FBXL13: variants seen among roughly 807,000 people sequenced by gnomAD.
FBXL13 encodes F-box and leucine-rich repeat protein 13.
In FBXL13, 67 loss-of-function variants were observed where a neutral mutation model predicts 83.6. The observed-to-expected ratio is 0.80, with a 90% CI of 0.66 to 0.98. The LOEUF (loss-of-function observed/expected upper bound fraction) is 0.98, where lower values mean the gene tolerates loss of function less well. Among genes scored for constraint, FBXL13 ranks in the 50% least tolerant of loss-of-function variants. The probability of loss-of-function intolerance (pLI) is 0.00; values close to 1 mark genes in which losing one functional copy is unlikely to be tolerated. For synonymous variants in FBXL13, 272 were observed against 299.5 expected (o/e 0.91, Z 0.95); for missense variants, 822 against 866.5 (o/e 0.95, Z 0.64).
intron 1 of FBXL13, among the ~76,000 whole-genome samples, chr7:103,060,856 C>G (rs566537302): frequency 5.5e-4 from 84 of 152,324 alleles, no homozygotes; most frequent in Non-Finnish European, 7.1e-4. Context: ...ATTTCCCTAT[C>G]CCCTACCCCA....
At position 102,995,167 on chromosome 7, in the gene FBXL13, G is replaced by A. The variant is rs904238058; in HGVS notation, c.496-27050C>T. ...TTTATTTCCCATGAGCATGGGGGAA[G>A]CTGGGGTGAGAGAAGGCATTAAAAG... On this transcript the variant is annotated intron_variant, in intron 6 of 19. Coordinates refer to ENST00000313221, the Ensembl canonical transcript of FBXL13. Among the ~76,000 whole-genome samples, 23 of 152,252 alleles carry A rather than the reference G, an allele frequency of 1.5e-4. No individual in the cohort carries two copies. The South Asian group carries it at 4.6e-3, about 30-fold the overall frequency.
intron 11 of FBXL13, among the ~76,000 whole-genome samples, chr7:102,894,730 TAAAAAAA>T (rs1213476355): frequency 7.4e-6 from 1 of 134,640 alleles, no homozygotes; most frequent in Admixed American, 7.5e-5. Flanking sequence ...CTTTGTCTCT[TAAAAAAA>T]AAAAAAAAGA....
intron 18 of FBXL13, among the ~76,000 whole-genome samples, chr7:102,826,754 TA>T (rs1320728049): frequency 8.8e-6 from 1 of 114,240 alleles, no homozygotes; most frequent in African/African-American, 3.4e-5. Context: ...TATATATATA[TA>T]TATATATATA....
intron 8 of FBXL13, among the ~76,000 whole-genome samples, chr7:102,954,259 T>C (rs1397346841): frequency 6.6e-6 from 1 of 152,196 alleles, no homozygotes; most frequent in Non-Finnish European, 1.5e-5. Context: ...AAGAAAATAA[T>C]TTTCAACCCA....
At position 102,983,048 on chromosome 7, in the gene FBXL13, C is replaced by G. The variant is rs1439599068; in HGVS notation, c.496-14931G>C. On this transcript the variant is annotated intron_variant, in intron 6 of 19. Coordinates refer to ENST00000313221, the Ensembl canonical transcript of FBXL13. ...AAGTAGTTTTTTTTGGAGTGTAGTG[C>G]ACTTTCTCATGGGTCACATTTTGTC... Among the ~76,000 whole-genome samples the G allele has an allele frequency of 4.6e-5, 7 of 152,120 alleles. No homozygotes were observed. In the East Asian group the frequency reaches 1.3e-3, roughly 29 times the overall value.
intron 17 of FBXL13, among the ~76,000 whole-genome samples, chr7:102,843,132 G>T (rs1803259585): frequency 6.6e-6 from 1 of 152,152 alleles, no homozygotes; most frequent in Admixed American, 6.5e-5. Context: ...AAGATTAAGG[G>T]AGAGAAGGAG....
chr7:103,038,015 G>A (rs1333184997), intron 2 of FBXL13, among the ~76,000 whole-genome samples: 1 of 152,160 alleles, frequency 6.6e-6, no homozygotes, highest in African/African-American at 2.4e-5. Flanking sequence ...CCCAGGAAGT[G>A]CAAGGGGTCA....
chr7:102,959,719 T>C lies in FBXL13; in HGVS notation c.724+3814A>G, dbSNP rs569652664. Among the ~76,000 whole-genome samples, 4 of 152,110 alleles carry C rather than the reference T, an allele frequency of 2.6e-5. No homozygotes were observed. In the East Asian group the frequency reaches 7.7e-4, roughly 29 times the overall value. On this transcript the variant is annotated intron_variant, in intron 8 of 19. Coordinates refer to ENST00000313221, the Ensembl canonical transcript of FBXL13. The stretch of plus-strand genomic sequence containing the variant: ...TAGAAAACGCATCTCAAAGGATATA[T>C]AGGTTAAAGGATATATAGGTTAAAG...
At chr7:102,941,183 G>A (rs968518923) in intron 8 of FBXL13, among the ~76,000 whole-genome samples, 5 of 152,142 alleles carry the variant, frequency 3.3e-5, no homozygotes, top group Admixed American at 1.3e-4. Flanking sequence ...GAACTGTGAA[G>A]TCAAAAGCAA....
intron 6 of FBXL13, among the ~76,000 whole-genome samples, chr7:103,007,017 G>T: frequency 6.6e-6 from 1 of 151,978 alleles, no homozygotes; most frequent in East Asian, 1.9e-4. Flanking sequence ...TGAAGAAATA[G>T]CAATAACCGC....
chr7:102,934,538 G>C (rs1563115280), intron 8 of FBXL13: 5 of 1,557,610 alleles, frequency 3.2e-6, no homozygotes, highest in Non-Finnish European at 4.3e-6. Flanking sequence ...GATAAAATCT[G>C]AACAGTTGTG....
chr7:102,849,309 G>A (rs1452770357), intron 17 of FBXL13, among the ~76,000 whole-genome samples: 1 of 152,194 alleles, frequency 6.6e-6, no homozygotes, highest in Non-Finnish European at 1.5e-5. Flanking sequence ...GTTGGAGAAA[G>A]TAATTAAAGC....
At chr7:102,939,697 A>G (rs1490041727) in intron 8 of FBXL13, 4 of 988,898 alleles carry the variant, frequency 4.0e-6, no homozygotes, top group East Asian at 2.5e-5. Flanking sequence ...ACTAAATAAT[A>G]AAGTACAAGT....
chr7:102,965,845 T>C (rs1030676307), intron 7 of FBXL13, among the ~76,000 whole-genome samples: 2 of 152,170 alleles, frequency 1.3e-5, no homozygotes, highest in African/African-American at 4.8e-5. Context: ...GTGGCAACAT[T>C]TTCCGTGTTG....
At chr7:102,826,217 G>GA (rs970728826) in intron 18 of FBXL13, among the ~76,000 whole-genome samples, 6 of 151,970 alleles carry the variant, frequency 3.9e-5, no homozygotes, top group African/African-American at 1.2e-4. Flanking sequence ...ACGATCCCAA[G>GA]AAAAAACCCG....
At chr7:102,842,707 C>G (rs923953789) in intron 17 of FBXL13, among the ~76,000 whole-genome samples, 2 of 152,208 alleles carry the variant, frequency 1.3e-5, no homozygotes, top group Non-Finnish European at 2.9e-5. Context: ...TTTGACTGGA[C>G]TGTTGCTGAA....
At chr7:102,994,886 G>A (rs1299743141) in intron 6 of FBXL13, among the ~76,000 whole-genome samples, 1 of 152,170 alleles carries the variant, frequency 6.6e-6, no homozygotes, top group African/African-American at 2.4e-5. Flanking sequence ...TGGGAACTCA[G>A]AGTATGTGTG....
At position 103,040,865 on chromosome 7, in the gene FBXL13, A is replaced by G. The variant is rs573437287; in HGVS notation, c.1-11447T>C. Among the ~76,000 whole-genome samples the G allele has an allele frequency of 5.3e-5, 8 of 152,346 alleles. No individual in the cohort carries two copies. In the South Asian group the frequency reaches 1.4e-3, roughly 28 times the overall value. On this transcript the variant is annotated intron_variant, in intron 2 of 19. Transcript: ENST00000313221. ...GAAATTGATAGCACTAAATGCCCAC[A>G]AGAGAAAGCAGGAAAGATCTAAAAT...
At chr7:102,818,180 G>A (rs1404116837) in intron 19 of FBXL13, among the ~76,000 whole-genome samples, 1 of 152,158 alleles carries the variant, frequency 6.6e-6, no homozygotes, top group African/African-American at 2.4e-5. Flanking sequence ...CTCTTATTGT[G>A]CATCAGACAT....
Sources: gnomAD v4.1 joint callset for allele counts (sites outside exome capture counted in the v4.1 genomes callset) on GRCh38, gnomAD v4.1.1 for gene constraint, MANE v1.5 for transcripts, NCBI Gene and HGNC (gene_info 2026-07-23, HGNC 2026-07-21) for gene names.